Variants in DYRK1A observed in about 807,000 individuals in gnomAD.
DYRK1A encodes dual specificity tyrosine phosphorylation regulated kinase 1A.
DYRK1A carries 9 observed loss-of-function variants against 79.7 expected under a neutral mutation model. The observed-to-expected ratio is 0.11, with a 90% CI of 0.07 to 0.20. The LOEUF (loss-of-function observed/expected upper bound fraction) is 0.20. Ranked by LOEUF, DYRK1A falls within the 10% of genes least tolerant of loss-of-function variation. The pLI, the probability that DYRK1A is intolerant of heterozygous loss-of-function variation, is 1.00. For missense variants in DYRK1A, 622 were observed against 956.0 expected, an observed-to-expected ratio of 0.65 and a Z score of 4.61; for synonymous variants, 349 against 329.7, an observed-to-expected ratio of 1.06 and a Z score of -0.63.
intron 2 of DYRK1A, among the ~76,000 whole-genome samples, chr21:37,458,498 G>A (rs1230662790): frequency 6.6e-6 from 1 of 152,018 alleles, no homozygotes; most frequent in Non-Finnish European, 1.5e-5. Flanking sequence ...TGTGTGTAAC[G>A]TTTCAAACCC....
chr21:37,525,648 A>G lies in DYRK1A; in HGVS notation c.*13117A>G, dbSNP rs912917859. 2.0e-5 allele frequency: 3 copies of G among 152,246 alleles called. No homozygotes were observed. The highest frequency in any genetic ancestry group is 7.2e-5 in the African/African-American group (3 of 41,466). 9.4% of individuals were successfully genotyped at this position (152,246 alleles called of 1,614,324 possible). ...GATTATTCATTGTATTATTTAAGTC[A>G]ACAGATACTTTGTGAGAAATATTTG... On this transcript the variant is annotated 3_prime_UTR_variant, in exon 12 of 12. Coordinates refer to ENST00000647188, the MANE Select transcript of DYRK1A (RefSeq NM_001347721.2).
At chr21:37,470,516 A>G (rs2052185235) in intron 2 of DYRK1A, among the ~76,000 whole-genome samples, 1 of 152,218 alleles carries the variant, frequency 6.6e-6, no homozygotes, top group Non-Finnish European at 1.5e-5. Context: ...GAATAGGGTC[A>G]GTATAGTAAT....
chr21:37,434,384 G>A (rs944914300), intron 2 of DYRK1A, among the ~76,000 whole-genome samples: 5 of 152,042 alleles, frequency 3.3e-5, no homozygotes, highest in African/African-American at 7.2e-5. Context: ...CTTTTATAAG[G>A]CACAAATGGG....
rs1018864106 is a variant in DYRK1A at position 37,513,663 on chromosome 21, C to A, written c.*1132C>A. On this transcript the variant is annotated 3_prime_UTR_variant, in exon 12 of 12. Coordinates refer to ENST00000647188, the MANE Select transcript of DYRK1A (RefSeq NM_001347721.2). ...TTTTACTTTTTCTTTTGCTTTTTCT[C>A]GGCACGTGGTATCTCCACCATTTCT... The A allele has an allele frequency of 3.3e-5, 5 of 152,586 alleles. No homozygotes were observed. The highest frequency in any genetic ancestry group is 1.5e-5 in the Non-Finnish European group (1 of 68,044). 9.5% of individuals were successfully genotyped at this position (152,586 alleles called of 1,614,324 possible).
In DYRK1A at chr21:37,516,728, G is replaced by A. The variant is rs2148669859; in HGVS notation, c.*4197G>A. The A allele has an allele frequency of 2.0e-5, 3 of 152,254 alleles. No individual in the cohort carries two copies. In the South Asian group the frequency reaches 6.2e-4, roughly 32 times the overall value. 9.4% of individuals were successfully genotyped at this position (152,254 alleles called of 1,614,324 possible). On this transcript the variant is annotated 3_prime_UTR_variant, in exon 12 of 12. Transcript: ENST00000647188. ...CTCTTTGGCATTATGCATAGCCAAGGTCCCAGATTTTGGCTGCTCTCAGTG... is the reference window on the plus strand; with the variant it reads ...CTCTTTGGCATTATGCATAGCCAAGATCCCAGATTTTGGCTGCTCTCAGTG...
intron 1 of DYRK1A, among the ~76,000 whole-genome samples, chr21:37,376,027 A>G (rs1602357837): frequency 6.6e-6 from 1 of 152,096 alleles, no homozygotes; most frequent in Middle Eastern, 3.4e-3. Flanking sequence ...GAAGAACAGA[A>G]TGACAGAATG....
At chr21:37,396,283 C>T (rs912174248) in intron 1 of DYRK1A, among the ~76,000 whole-genome samples, 2 of 152,108 alleles carry the variant, frequency 1.3e-5, no homozygotes, top group East Asian at 3.9e-4. Flanking sequence ...ATATATTACC[C>T]TCTTTAAAGA....
At chr21:37,405,561 T>A (rs878956549) in intron 1 of DYRK1A, among the ~76,000 whole-genome samples, 1 of 152,192 alleles carries the variant, frequency 6.6e-6, no homozygotes, top group Admixed American at 6.5e-5. Context: ...CTAACTTTTT[T>A]AATGTGGATC....
intron 2 of DYRK1A, among the ~76,000 whole-genome samples, chr21:37,449,353 C>G (rs1379993174): frequency 6.6e-6 from 1 of 152,206 alleles, no homozygotes; most frequent in Non-Finnish European, 1.5e-5. Flanking sequence ...AATGGGATAA[C>G]AGCTCTGCTC....
At chr21:37,488,219 A>C (rs2835770) in intron 6 of DYRK1A, 107,533 of 346,320 alleles carry the variant, frequency 0.31, 16,637 homozygotes, top group South Asian at 0.41. Flanking sequence ...TACTCTTTGG[A>C]TGAGTTTTTA....
intron 2 of DYRK1A, among the ~76,000 whole-genome samples, chr21:37,421,088 T>C (rs1356081363): frequency 6.6e-6 from 1 of 152,142 alleles, no homozygotes; most frequent in Non-Finnish European, 1.5e-5. Flanking sequence ...AAAGTGTTAA[T>C]AACTTTTGAA....
chr21:37,417,533 T>TC (rs895647125), intron 1 of DYRK1A, among the ~76,000 whole-genome samples: 2 of 73,134 alleles, frequency 2.7e-5, no homozygotes, highest in East Asian at 2.6e-4. Context: ...CTTTTTCTTT[T>TC]TTTTTTTTTT....
intron 1 of DYRK1A, among the ~76,000 whole-genome samples, chr21:37,417,289 C>G (rs1314303922): frequency 6.6e-6 from 1 of 152,036 alleles, no homozygotes; most frequent in Admixed American, 6.6e-5. Flanking sequence ...CTCCTGATTT[C>G]AAGCAATTCT....
intron 2 of DYRK1A, among the ~76,000 whole-genome samples, chr21:37,465,498 A>G (rs957095006): frequency 2.0e-5 from 3 of 152,162 alleles, no homozygotes; most frequent in African/African-American, 4.8e-5. Context: ...AAGGTGACCA[A>G]TGCTTTTCAA....
intron 2 of DYRK1A, among the ~76,000 whole-genome samples, chr21:37,428,502 G>A (rs2050688597): frequency 6.6e-6 from 1 of 152,088 alleles, no homozygotes; most frequent in Non-Finnish European, 1.5e-5. Flanking sequence ...TAGCTCTTCT[G>A]GAAAGTTTTT....
chr21:37,490,037 A>G, intron 6 of DYRK1A, 138 bp from the exon 7 acceptor site: 2 of 864,154 alleles, frequency 2.3e-6, no homozygotes, highest in Non-Finnish European at 3.5e-6. Flanking sequence ...TGCTGTTATT[A>G]CAAAATGCTG....
At chr21:37,454,360 C>A (rs1287498763) in intron 2 of DYRK1A, among the ~76,000 whole-genome samples, 1 of 152,022 alleles carries the variant, frequency 6.6e-6, no homozygotes, top group African/African-American at 2.4e-5. Flanking sequence ...TCCCAAAGTG[C>A]CGGATTGTAA....
intron 1 of DYRK1A, among the ~76,000 whole-genome samples, chr21:37,390,484 A>G (rs2049849452): frequency 1.3e-5 from 2 of 152,202 alleles, no homozygotes. Context: ...ATATGACTCC[A>G]TTCCGTTTTT....
chr21:37,388,242 C>T (rs998952446), intron 1 of DYRK1A, among the ~76,000 whole-genome samples: 1 of 151,740 alleles, frequency 6.6e-6, no homozygotes, highest in Non-Finnish European at 1.5e-5. Context: ...ACCACCTTGC[C>T]TGACTAATTT....
Sources: gnomAD v4.1 joint callset for allele counts (sites outside exome capture counted in the v4.1 genomes callset) on GRCh38, gnomAD v4.1.1 for gene constraint, MANE v1.5 for transcripts, NCBI Gene and HGNC (gene_info 2026-07-23, HGNC 2026-07-21) for gene names.